NBPF4: variants seen among roughly 807,000 people sequenced by gnomAD.
The protein encoded by NBPF4 is NBPF family member NBPF4.
Under a neutral mutation model 21.1 loss-of-function variants are expected in NBPF4, and 11 were observed. The observed-to-expected ratio is 0.52, with a 90% CI of 0.33 to 0.86. The LOEUF is 0.86. Ranked by LOEUF, NBPF4 falls within the 40% of genes least tolerant of loss-of-function variation. The probability of loss-of-function intolerance (pLI) is 0.03; values close to 1 mark genes in which losing one functional copy is unlikely to be tolerated. For missense variants in NBPF4, 88 were observed against 265.3 expected, an observed-to-expected ratio of 0.33 and a Z score of 4.64; for synonymous variants, 47 against 106.4, an observed-to-expected ratio of 0.44 and a Z score of 3.43.
the NBPF4 span, among the ~76,000 whole-genome samples, chr1:108,252,879 T>C: frequency 4.2e-5 from 2 of 47,106 alleles, no homozygotes; most frequent in Non-Finnish European, 3.7e-5. Flanking sequence ...GAGTTGTTGA[T>C]TCATAGATTG....
the NBPF4 span, among the ~76,000 whole-genome samples, chr1:108,265,068 GCA>G: frequency 1.3e-5 from 2 of 152,150 alleles, no homozygotes; most frequent in Non-Finnish European, 2.9e-5. Flanking sequence ...AAGAGCTTCT[GCA>G]CAGCAAAAGA....
At chr1:108,246,290 A>AC (rs1649846376), upstream of NBPF4, among the ~76,000 whole-genome samples, 2 of 127,420 alleles carry the variant, frequency 1.6e-5, 1 homozygote, top group South Asian at 6.3e-4. Context: ...CACACCCTGA[A>AC]CTCAGATACA....
the NBPF4 span, among the ~76,000 whole-genome samples, chr1:108,259,866 T>C: frequency 4.0e-5 from 6 of 149,228 alleles, no homozygotes; most frequent in Non-Finnish European, 3.0e-5. Context: ...ATAGATAAAA[T>C]CTACAATGGT....
chr1:108,257,133 T>C, the NBPF4 span, among the ~76,000 whole-genome samples: 844 of 134,196 alleles, frequency 6.3e-3, 2 homozygotes, highest in African/African-American at 0.013. Context: ...ATTTTTAGTT[T>C]CTTACTATTG....
chr1:108,234,835 C>G (rs1441111047), intron 9 of NBPF4, among the ~76,000 whole-genome samples: 1 of 104,940 alleles, frequency 9.5e-6, no homozygotes, highest in East Asian at 3.5e-4. Context: ...GCATCAAGTC[C>G]TCTTTCTCTC....
At chr1:108,247,975 G>A (rs1376645624), upstream of NBPF4, among the ~76,000 whole-genome samples, 1 of 151,196 alleles carries the variant, frequency 6.6e-6, no homozygotes, top group Non-Finnish European at 1.5e-5. Flanking sequence ...CACCATTTCT[G>A]GCTATTTTTT....
rs1343495732 is a variant in NBPF4 at position 108,224,182 on chromosome 1, G to A, written c.1876-436C>T. On this transcript the variant is annotated intron_variant, in intron 14 of 14. Coordinates refer to ENST00000415641, the MANE Select transcript of NBPF4 (RefSeq NM_001143989.3). ...ATGTCCTAGTCTTCTAGGGAGGAGC[G>A]GGAGGGCCATGGGAAGAACCCTGGA... is the stretch of plus-strand genomic sequence containing the variant. Among the ~76,000 whole-genome samples the A allele has an allele frequency of 7.5e-5, 7 of 93,626 alleles. No homozygotes were observed. The East Asian group carries it at 1.2e-3, about 16-fold the overall frequency. 61.4% of individuals were successfully genotyped at this position (93,626 alleles called of 152,430 possible).
chr1:108,266,078 T>C, the NBPF4 span, among the ~76,000 whole-genome samples: 1,081 of 119,924 alleles, frequency 9.0e-3, 72 homozygotes, highest in African/African-American at 0.035. Context: ...ATAATGAAGC[T>C]CAAAGTGAAA....
chr1:108,222,722 T>G lies in NBPF4; in HGVS notation c.*983A>C, dbSNP rs1046100001. On this transcript the variant is annotated 3_prime_UTR_variant, in exon 15 of 15. Transcript: ENST00000415641. ...ATAGACAATTTTCAATGTACAAACT[T>G]AAATATAATAACTGACACAGACGGG... 5.3e-5 allele frequency among the ~76,000 whole-genome samples: 8 copies of G among 151,778 alleles called. No individual in the cohort carries two copies. The highest frequency in any genetic ancestry group is 1.2e-4 in the Non-Finnish European group (8 of 68,030).
chr1:108,257,762 C>CTTTTTTTTTTTTTT, the NBPF4 span, among the ~76,000 whole-genome samples: 1 of 54,774 alleles, frequency 1.8e-5, no homozygotes, highest in Non-Finnish European at 3.2e-5. Flanking sequence ...CTTTTCTTTT[C>CTTTTTTTTTTTTTT]TTTTTTTTTT....
chr1:108,228,821 T>A, intron 13 of NBPF4, 99 bp downstream of exon 13: 2 of 745,478 alleles, frequency 2.7e-6, no homozygotes, highest in Non-Finnish European at 2.3e-6. Context: ...AACTTGACCC[T>A]GAGGAAGCAT....
chr1:108,222,771 T>G lies in NBPF4; in HGVS notation c.*934A>C, dbSNP rs1649346148. 6.6e-6 allele frequency among the ~76,000 whole-genome samples: 1 copy of G among 152,194 alleles called. No homozygotes were observed. Among genetic ancestry groups the G allele is most frequent in the South Asian group, 2.1e-4 (1 of 4,822 alleles). The stretch of plus-strand genomic sequence containing the variant: ...GGGTGATTAATTGGTGATAAAATGT[T>G]CTGAAGAAGATCACTAGAATACAGG... On this transcript the variant is annotated 3_prime_UTR_variant, in exon 15 of 15. Transcript: ENST00000415641.
At chr1:108,244,901 GATATATATATATATATATAT>G (rs1173565670), upstream of NBPF4, among the ~76,000 whole-genome samples, 611 of 12,452 alleles carry the variant, frequency 0.049, 110 homozygotes, top group Admixed American at 0.072. Flanking sequence ...TATTGTTGGA[GATATATATATATATATATAT>G]ATATATATAT....
At chr1:108,247,974 T>C (rs1241265210), upstream of NBPF4, among the ~76,000 whole-genome samples, 2 of 151,508 alleles carry the variant, frequency 1.3e-5, no homozygotes, top group African/African-American at 2.4e-5. Flanking sequence ...TCACCATTTC[T>C]GGCTATTTTT....
At chr1:108,244,901 GATATATATATATATATATATATAT>G (rs1173565670), upstream of NBPF4, among the ~76,000 whole-genome samples, 34 of 12,444 alleles carry the variant, frequency 2.7e-3, 8 homozygotes, top group Admixed American at 0.026. Context: ...TATTGTTGGA[GATATATATATATATATATATATAT>G]ATATATATAT....
At chr1:108,257,762 C>CTTTTTTTTTTTTT in the NBPF4 span, among the ~76,000 whole-genome samples, 1 of 54,774 alleles carries the variant, frequency 1.8e-5, no homozygotes, top group Non-Finnish European at 3.2e-5. Context: ...CTTTTCTTTT[C>CTTTTTTTTTTTTT]TTTTTTTTTT....
At chr1:108,228,512 C>T (rs1261526120) in intron 13 of NBPF4, among the ~76,000 whole-genome samples, 8 of 151,770 alleles carry the variant, frequency 5.3e-5, no homozygotes, top group South Asian at 2.1e-4. Context: ...GAGGAGACAT[C>T]GTCCGTGAAG....
Position 108,223,509 on chromosome 1 carries a change from T to G in NBPF4, c.*196A>C. ...TCTGGGCATTGGTCTCCCTAGGTAT[T>G]GATCACAATTGGAGGGGGATGGAAT... On this transcript the variant is annotated 3_prime_UTR_variant, in exon 15 of 15. Transcript: ENST00000415641. 1.5e-6 allele frequency: 1 copy of G among 673,208 alleles called. No individual in the cohort carries two copies. The highest frequency in any genetic ancestry group is 2.6e-6 in the Non-Finnish European group (1 of 379,180). The allele number at this position is 673,208 out of a possible 1,614,324, so 41.7% of individuals were successfully genotyped here. A position where few individuals can be genotyped will look rare whatever the true frequency, so the allele number is the denominator to read the frequency against.
upstream of NBPF4, among the ~76,000 whole-genome samples, chr1:108,248,110 G>C (rs1259847284): frequency 6.6e-6 from 1 of 151,858 alleles, no homozygotes; most frequent in African/African-American, 2.4e-5. Flanking sequence ...TGGCGTGTTT[G>C]TTTTTAAAAA....
Sources: gnomAD v4.1 joint callset for allele counts (sites outside exome capture counted in the v4.1 genomes callset) on GRCh38, gnomAD v4.1.1 for gene constraint, MANE v1.5 for transcripts, NCBI Gene and HGNC (gene_info 2026-07-23, HGNC 2026-07-21) for gene names.